Variants in NPIPB2 observed in about 807,000 individuals in gnomAD.
NPIPB2 encodes nuclear pore complex-interacting protein family member B2.
NPIPB2 carries 27 observed loss-of-function variants against 30.8 expected under a neutral mutation model. That is an observed-to-expected ratio of 0.88 (90% CI 0.65 to 1.21). The LOEUF (loss-of-function observed/expected upper bound fraction) is 1.21, where lower values mean the gene tolerates loss of function less well. Ranked by LOEUF, NPIPB2 falls within the 50% of genes most tolerant of loss-of-function variation. The pLI, the probability that NPIPB2 is intolerant of heterozygous loss-of-function variation, is 0.00. For synonymous variants in NPIPB2, 147 were observed against 162.0 expected (o/e 0.91, Z 0.70); for missense variants, 440 against 446.2 (o/e 0.99, Z 0.13).
intron 4 of NPIPB2, among the ~76,000 whole-genome samples, chr16:11,932,269 A>C (rs867027535): frequency 2.6e-5 from 4 of 152,130 alleles, no homozygotes; most frequent in Middle Eastern, 6.8e-3. Flanking sequence ...CACATTTAAC[A>C]AAAAAAGATC....
At chr16:11,975,401 C>A (rs7202587) in intron 1 of NPIPB2, among the ~76,000 whole-genome samples, 105,042 of 150,282 alleles carry the variant, frequency 0.7, 38,527 homozygotes, top group Non-Finnish European at 0.81. Flanking sequence ...CCCGCCTCGG[C>A]CTCCCAAAGT....
intron 1 of NPIPB2, among the ~76,000 whole-genome samples, chr16:11,951,986 C>T (rs182979170): frequency 6.6e-6 from 1 of 152,146 alleles, no homozygotes; most frequent in East Asian, 1.9e-4. Context: ...GGTGAAACCC[C>T]GACTCTACTA....
At chr16:11,946,385 CAA>C (rs34318693), upstream of NPIPB2, among the ~76,000 whole-genome samples, 189 of 70,084 alleles carry the variant, frequency 2.7e-3, 1 homozygote, top group East Asian at 0.014. Context: ...AACTCTATCT[CAA>C]AAAAAAAAAA....
intron 1 of NPIPB2, among the ~76,000 whole-genome samples, chr16:11,967,310 T>C (rs1257279556): frequency 1.3e-5 from 2 of 152,132 alleles, no homozygotes; most frequent in African/African-American, 4.8e-5. Context: ...CACATACTCA[T>C]TCTTTTTTAC....
Position 11,970,435 on chromosome 16 carries a change from A to T in NPIPB2, c.-584+6133T>A, listed in dbSNP as rs78575220. Reference sequence around the variant, plus strand: ...ACCATATTGGTCAGGCTGGTCTCGGACTCCTGACCTCAGGTGATCCACCCA... The same window carrying T: ...ACCATATTGGTCAGGCTGGTCTCGGTCTCCTGACCTCAGGTGATCCACCCA... On this transcript the variant is annotated intron_variant, in intron 1 of 5. Transcript: ENST00000538896. 5.9e-3 allele frequency among the ~76,000 whole-genome samples: 891 copies of T among 151,282 alleles called. 18 individuals are homozygous for T. Among genetic ancestry groups the T allele is most frequent in the Admixed American group, 0.036 (545 of 15,180 alleles).
At chr16:11,933,203 C>G (rs1187842442) in intron 4 of NPIPB2, among the ~76,000 whole-genome samples, 3 of 150,448 alleles carry the variant, frequency 2.0e-5, no homozygotes, top group African/African-American at 7.4e-5. Flanking sequence ...AGTGAGCTGA[C>G]ATTGTGCCAT....
chr16:11,959,788 T>C (rs1018048185), intron 1 of NPIPB2, among the ~76,000 whole-genome samples: 2 of 152,136 alleles, frequency 1.3e-5, no homozygotes, highest in African/African-American at 4.8e-5. Flanking sequence ...AAATTTTATT[T>C]TATTTGAGAC....
intron 1 of NPIPB2, among the ~76,000 whole-genome samples, chr16:11,953,712 ATTTTTTT>A (rs36103994): frequency 1.2e-4 from 9 of 75,532 alleles, no homozygotes; most frequent in Middle Eastern, 0.016. Context: ...ATTTACTTTA[ATTTTTTT>A]TTTTTTTTTT....
chr16:11,961,145 G>A (rs923018832), intron 1 of NPIPB2, among the ~76,000 whole-genome samples: 1 of 152,140 alleles, frequency 6.6e-6, no homozygotes, highest in Non-Finnish European at 1.5e-5. Flanking sequence ...TTACAGGTGT[G>A]AGCCACTGCA....
At position 11,951,123 on chromosome 16, in the gene NPIPB2, GA is replaced by G. The variant is rs999438898; in HGVS notation, c.-583-9010del. Among the ~76,000 whole-genome samples, 1,224 of 151,606 alleles carry G rather than the reference GA, an allele frequency of 8.1e-3. 22 individuals carry two copies. The highest frequency in any genetic ancestry group is 0.028 in the African/African-American group (1,150 of 41,370). On this transcript the variant is annotated intron_variant, in intron 1 of 5. Coordinates refer to the NPIPB2 transcript ENST00000538896. ...TAGCAATACCTCATTAAATCTAAAA[GA>G]AAAAAAATTCTTTTAAGAAAATTCA...
At chr16:11,927,272 T>C, downstream of NPIPB2, 1 of 685,728 alleles carries the variant, frequency 1.5e-6, no homozygotes, top group South Asian at 1.7e-5. Context: ...ATTTTATTTT[T>C]ATATTATTTA....
At chr16:11,967,018 AG>A (rs2055199711) in intron 1 of NPIPB2, 1 of 190,370 alleles carries the variant, frequency 5.3e-6, no homozygotes, top group South Asian at 9.0e-5. Context: ...TTATTTATTT[AG>A]AGATGGAGTC....
At chr16:11,947,856 G>C (rs1326105984) in intron 1 of NPIPB2, among the ~76,000 whole-genome samples, 1 of 151,434 alleles carries the variant, frequency 6.6e-6, no homozygotes, top group Middle Eastern at 3.2e-3. Flanking sequence ...AGCTGGTCAT[G>C]GAAGCTGGGG....
intron 4 of NPIPB2, 33 bp downstream of exon 4, chr16:11,933,484 A>G (rs752839550): frequency 6.3e-7 from 1 of 1,596,542 alleles, no homozygotes; most frequent in East Asian, 2.2e-5. Context: ...CACATGGTTC[A>G]TACAACAATA....
chr16:11,970,661 G>A lies in NPIPB2; in HGVS notation c.-584+5907C>T, dbSNP rs190185747. Among the ~76,000 whole-genome samples the A allele has an allele frequency of 1.3e-4, 20 of 151,830 alleles. No homozygotes were observed. In the East Asian group the frequency reaches 3.1e-3, roughly 24 times the overall value. ...AGCGATTCTCCTGCCTCAGCCTCCC[G>A]TGTAACTGGGATTACAGGCACCTGC... On this transcript the variant is annotated intron_variant, in intron 1 of 5. Transcript: ENST00000538896.
upstream of NPIPB2, among the ~76,000 whole-genome samples, chr16:11,942,593 T>G (rs1028640144): frequency 6.6e-6 from 1 of 152,210 alleles, no homozygotes; most frequent in Admixed American, 6.6e-5. Context: ...GAAAACCAAG[T>G]TGACCTTCAT....
intron 1 of NPIPB2, among the ~76,000 whole-genome samples, chr16:11,963,549 C>T (rs1174263804): frequency 6.6e-6 from 1 of 152,104 alleles, no homozygotes; most frequent in Non-Finnish European, 1.5e-5. Flanking sequence ...GTATCCACCA[C>T]TCAGCTTAAT....
At chr16:11,938,528 G>A (rs1436552878) in intron 1 of NPIPB2, among the ~76,000 whole-genome samples, 1 of 150,586 alleles carries the variant, frequency 6.6e-6, no homozygotes, top group Admixed American at 6.7e-5. Context: ...ATGGGGTTTT[G>A]CCATGTTGGC....
intron 1 of NPIPB2, among the ~76,000 whole-genome samples, chr16:11,952,152 C>CA (rs374679048): frequency 0.4 from 32,389 of 81,942 alleles, 5,111 homozygotes; most frequent in East Asian, 0.61. Context: ...GACTCTGCCT[C>CA]AAAAAAAAAA....
Sources: gnomAD v4.1 joint callset for allele counts (sites outside exome capture counted in the v4.1 genomes callset) on GRCh38, gnomAD v4.1.1 for gene constraint, MANE v1.5 for transcripts, NCBI Gene and HGNC (gene_info 2026-07-23, HGNC 2026-07-21) for gene names.